ZRANB1: variants seen among roughly 807,000 people sequenced by gnomAD.
The protein encoded by ZRANB1 is ubiquitin thioesterase ZRANB1.
A neutral mutation model predicts 80.5 loss-of-function variants in ZRANB1; 16 were observed. The observed-to-expected ratio is 0.20, with a 90% CI of 0.13 to 0.30. The LOEUF (loss-of-function observed/expected upper bound fraction) is 0.30, where lower values mean the gene tolerates loss of function less well. Ranked by LOEUF, ZRANB1 falls within the 10% of genes least tolerant of loss-of-function variation. The probability of loss-of-function intolerance (pLI) is 1.00; values close to 1 mark genes in which losing one functional copy is unlikely to be tolerated. For synonymous variants in ZRANB1, 291 were observed against 293.1 expected (o/e 0.99, Z 0.07); for missense variants, 576 against 862.6 (o/e 0.67, Z 4.16).
chr10:124,922,807 TGTATTCAGCC>T, the ZRANB1 span, among the ~76,000 whole-genome samples: 1 of 152,052 alleles, frequency 6.6e-6, no homozygotes, highest in South Asian at 2.1e-4. Flanking sequence ...GGCTAATTTT[TGTATTCAGCC>T]GTGGTAAGCC....
the ZRANB1 span, among the ~76,000 whole-genome samples, chr10:124,933,052 C>T: frequency 6.6e-6 from 1 of 151,080 alleles, no homozygotes. Context: ...TTTTGGTATT[C>T]TTATTCTCTT....
chr10:124,928,686 CAA>C, the ZRANB1 span, among the ~76,000 whole-genome samples: 2 of 152,178 alleles, frequency 1.3e-5, no homozygotes, highest in Non-Finnish European at 2.9e-5. Context: ...GTGAACAAGA[CAA>C]AGTCTTTGCT....
intron 4 of ZRANB1, among the ~76,000 whole-genome samples, 193 bp from the exon 5 acceptor site, chr10:124,974,007 T>TTAAA (rs1385717125): frequency 6.6e-6 from 1 of 152,246 alleles, no homozygotes. Flanking sequence ...TAAAAGTTTA[T>TTAAA]TAAATTATTC....
the ZRANB1 span, among the ~76,000 whole-genome samples, chr10:124,918,799 C>T: frequency 6.6e-6 from 1 of 152,156 alleles, no homozygotes; most frequent in Non-Finnish European, 1.5e-5. Context: ...ACTTTTGGCT[C>T]TAAAGATAGG....
In ZRANB1 at chr10:124,953,091, ATT is replaced by A. The variant is rs368258624; in HGVS notation, c.814+9802_814+9803del. ...AGGTGCACACCACTGTGCCTGGCTA[ATT>A]TTTTTTTTTTTTTTTTTAAGTAGAG... On this transcript the variant is annotated intron_variant, in intron 1 of 8. Coordinates refer to ENST00000359653, the MANE Select transcript of ZRANB1 (RefSeq NM_017580.3). Among the ~76,000 whole-genome samples the A allele has an allele frequency of 3.7e-3, 481 of 131,590 alleles. 3 individuals are homozygous for A. Among genetic ancestry groups the A allele is most frequent in the African/African-American group, 0.013 (451 of 34,962 alleles). 86.3% of individuals were successfully genotyped at this position (131,590 alleles called of 152,430 possible). A position where few individuals can be genotyped will look rare whatever the true frequency, so the allele number is the denominator to read the frequency against.
chr10:124,964,167 T>G (rs1238009003), intron 1 of ZRANB1, among the ~76,000 whole-genome samples: 1 of 152,252 alleles, frequency 6.6e-6, no homozygotes, highest in African/African-American at 2.4e-5. Flanking sequence ...ATCGGCTTTA[T>G]TGAGACATAA....
chr10:124,921,715 A>C, the ZRANB1 span, among the ~76,000 whole-genome samples: 1 of 152,072 alleles, frequency 6.6e-6, no homozygotes, highest in Non-Finnish European at 1.5e-5. Context: ...ATGACTGTCC[A>C]TAAACTTTTC....
the ZRANB1 span, among the ~76,000 whole-genome samples, chr10:124,933,895 A>G: frequency 9.9e-5 from 15 of 152,216 alleles, no homozygotes; most frequent in Non-Finnish European, 1.9e-4. Context: ...TCCTCCTGAG[A>G]TGACAAGATG....
At chr10:124,976,129 C>T (rs1255579701) in intron 5 of ZRANB1, among the ~76,000 whole-genome samples, 9 of 152,172 alleles carry the variant, frequency 5.9e-5, no homozygotes, top group South Asian at 2.1e-4. Flanking sequence ...TGTGTCACTC[C>T]GGTAGTTTTA....
chr10:124,977,540 T>C (rs1951888571), intron 5 of ZRANB1, among the ~76,000 whole-genome samples: 1 of 151,468 alleles, frequency 6.6e-6, no homozygotes, highest in South Asian at 2.1e-4. Context: ...TGAAACCCTG[T>C]CTCCACCAAA....
chr10:124,937,567 G>A (rs1217151307), upstream of ZRANB1, among the ~76,000 whole-genome samples: 1 of 151,806 alleles, frequency 6.6e-6, no homozygotes, highest in Non-Finnish European at 1.5e-5. Flanking sequence ...CAATTTTGAG[G>A]AATTGACTTC....
intron 1 of ZRANB1, among the ~76,000 whole-genome samples, chr10:124,949,927 T>C (rs939449431): frequency 4.6e-5 from 7 of 152,128 alleles, no homozygotes; most frequent in African/African-American, 1.7e-4. Flanking sequence ...GAAGTGCACA[T>C]GCAGTGGTGT....
upstream of ZRANB1, chr10:124,940,660 C>A: frequency 1.7e-6 from 1 of 592,078 alleles, no homozygotes; most frequent in Non-Finnish European, 2.6e-6. Context: ...CAGGCAGGAA[C>A]ATAATACAGT....
chr10:124,971,928 T>A, intron 2 of ZRANB1, 37 bp from the exon 3 acceptor site: 1 of 1,522,370 alleles, frequency 6.6e-7, no homozygotes. Context: ...CCACTTATGA[T>A]ACATGAGATG....
At chr10:124,980,409 C>T (rs2133995308) in intron 5 of ZRANB1, among the ~76,000 whole-genome samples, 1 of 152,230 alleles carries the variant, frequency 6.6e-6, no homozygotes, top group South Asian at 2.1e-4. Context: ...TTCTGGCTGG[C>T]TTAGCTGTCT....
intron 1 of ZRANB1, among the ~76,000 whole-genome samples, chr10:124,950,373 C>G (rs1008337618): frequency 1.3e-5 from 2 of 152,150 alleles, no homozygotes; most frequent in Non-Finnish European, 2.9e-5. Context: ...GCCCGCCCGC[C>G]TCGGTCTCCC....
At chr10:124,963,265 C>CA (rs397844792) in intron 1 of ZRANB1, among the ~76,000 whole-genome samples, 4,026 of 59,998 alleles carry the variant, frequency 0.067, 181 homozygotes, top group African/African-American at 0.1. Context: ...GACTCTGTCT[C>CA]AAAAAAAAAA....
At position 124,987,296 on chromosome 10, in the gene ZRANB1, G is replaced by T. The variant is rs962793793; in HGVS notation, c.*2304G>T. The T allele has an allele frequency of 1.3e-5, 2 of 152,356 alleles. No individual in the cohort carries two copies. Among genetic ancestry groups the T allele is most frequent in the African/African-American group, 4.8e-5 (2 of 41,344 alleles). The allele number at this position is 152,356 out of a possible 1,614,324, so 9.4% of individuals were successfully genotyped here. On this transcript the variant is annotated 3_prime_UTR_variant, in exon 9 of 9. Coordinates refer to ENST00000359653, the MANE Select transcript of ZRANB1 (RefSeq NM_017580.3). ...CATACCTGCACTCTGTGGACTTGAT[G>T]GTTCTTTTTCTAGAGCAAACAGAGC...
At chr10:124,976,383 C>T (rs1263687430) in intron 5 of ZRANB1, among the ~76,000 whole-genome samples, 2 of 152,058 alleles carry the variant, frequency 1.3e-5, no homozygotes, top group Non-Finnish European at 2.9e-5. Context: ...GAGGATGAAC[C>T]TGGTTTGGTT....
Sources: gnomAD v4.1 joint callset for allele counts (sites outside exome capture counted in the v4.1 genomes callset) on GRCh38, gnomAD v4.1.1 for gene constraint, MANE v1.5 for transcripts, NCBI Gene and HGNC (gene_info 2026-07-23, HGNC 2026-07-21) for gene names.